Variants in RASSF7 observed in about 807,000 individuals in gnomAD.
RASSF7 encodes the protein Ras association domain family member 7.
A neutral mutation model predicts 33.8 loss-of-function variants in RASSF7; 41 were observed. The ratio of observed to expected loss-of-function variants is 1.21; its 90% CI spans 0.95 to 1.57. The LOEUF (loss-of-function observed/expected upper bound fraction) is 1.57. RASSF7 is among the 40% of genes most tolerant of loss of function. RASSF7 has a pLI of 0.00. For missense variants in RASSF7, 622 were observed against 497.0 expected (o/e 1.25, Z -2.39); for synonymous variants, 298 against 212.8 (o/e 1.40, Z -3.48).
In RASSF7 at chr11:561,402, C is replaced by T; in HGVS notation, c.-83C>T. ...TGAGCAGGTCGGGGTGGGGCGTTCCCATGCCGGCGGCCGCGGGGCCTGGCG... is the reference window on the plus strand; with the variant it reads ...TGAGCAGGTCGGGGTGGGGCGTTCCTATGCCGGCGGCCGCGGGGCCTGGCG... On this transcript the variant is annotated 5_prime_UTR_variant, in exon 1 of 6. Transcript: ENST00000397583. 3 of 1,124,440 alleles carry T rather than the reference C, an allele frequency of 2.7e-6. No homozygotes were observed. Among genetic ancestry groups the T allele is most frequent in the Non-Finnish European group, 3.3e-6 (3 of 914,986 alleles). 69.7% of individuals were successfully genotyped at this position (1,124,440 alleles called of 1,614,324 possible).
chr11:563,167 T>C, intron 3 of RASSF7, 22 bp from the exon 4 acceptor site: 1 of 1,548,158 alleles, frequency 6.5e-7, no homozygotes, highest in South Asian at 1.2e-5. Context: ...CTGTGCCTCC[T>C]AAGGATCTCA....
chr11:561,645 G>T, intron 1 of RASSF7, 117 bp from the exon 2 acceptor site: 1 of 1,488,206 alleles, frequency 6.7e-7, no homozygotes. Context: ...GGTGGGGCCC[G>T]TGCGGAGGGG....
chr11:563,614 G>A lies in RASSF7; in HGVS notation c.1091G>A (p.Cys364Tyr), dbSNP rs898788154. 2 of 1,611,606 alleles carry A rather than the reference G, an allele frequency of 1.2e-6. No individual in the cohort carries two copies. Among genetic ancestry groups the A allele is most frequent in the Middle Eastern group, 1.7e-4 (1 of 5,946 alleles). ...EVAAAPAPEW[C>Y]PLAAQPQAL Reference sequence around the variant, plus strand: ...GCAGCAGCTCCTGCCCCAGAGTGGTGTCCTCTGGCAGCCCAGCCCCAGGCT... The same window carrying A: ...GCAGCAGCTCCTGCCCCAGAGTGGTATCCTCTGGCAGCCCAGCCCCAGGCT... Residue 364 changes from cysteine (C) to tyrosine (Y), a missense_variant, in exon 6 of 6, where the codon TGT becomes TAT. Cys to Tyr is a radical substitution (Grantham distance 194). Transcript: ENST00000397583.
rs778346604 is a variant in RASSF7 at position 561,911 on chromosome 11, A to G, written c.124+19A>G. 6.2e-6 allele frequency: 10 copies of G among 1,612,370 alleles called. No individual in the cohort carries two copies. The highest frequency in any genetic ancestry group is 6.8e-6 in the Non-Finnish European group (8 of 1,179,362). Reference sequence around the variant, plus strand: ...GCAATAGGTGAGTCCTCTCGGGGTCAGGCAGGCCGGGCAGGTAGAGCTGAA... The same window carrying G: ...GCAATAGGTGAGTCCTCTCGGGGTCGGGCAGGCCGGGCAGGTAGAGCTGAA... On this transcript the variant is annotated intron_variant, in intron 2 of 5. Transcript: ENST00000397583.
At chr11:561,596 C>A in intron 1 of RASSF7, 119 bp downstream of exon 1, 1 of 1,407,350 alleles carries the variant, frequency 7.1e-7, no homozygotes, top group Non-Finnish European at 9.4e-7. Flanking sequence ...GGCCGCCACC[C>A]CAGGAATGTG....
At position 561,420 on chromosome 11, in the gene RASSF7, G is replaced by A; in HGVS notation, c.-65G>A. 2 of 1,143,442 alleles carry A rather than the reference G, an allele frequency of 1.7e-6. No individual in the cohort carries two copies. The highest frequency in any genetic ancestry group is 2.4e-5 in the South Asian group (1 of 41,620). The allele number at this position is 1,143,442 out of a possible 1,614,324, so 70.8% of individuals were successfully genotyped here. A position where few individuals can be genotyped will look rare whatever the true frequency, so the allele number is the denominator to read the frequency against. The stretch of plus-strand genomic sequence containing the variant: ...GCGTTCCCATGCCGGCGGCCGCGGG[G>A]CCTGGCGTGCGGGCGCCTCCGCGCC... On this transcript the variant is annotated 5_prime_UTR_variant, in exon 1 of 6. Transcript: ENST00000397583.
Position 561,000 on chromosome 11 carries a change from G to T in RASSF7, c.-485G>T. On this transcript the variant is annotated 5_prime_UTR_variant, in exon 1 of 6. Coordinates refer to ENST00000397583, the MANE Select transcript of RASSF7 (RefSeq NM_003475.4). The stretch of plus-strand genomic sequence containing the variant: ...GCTGGGGGCGGCAGGTTGCGGCGGC[G>T]CCGGAGCGGGTCTCCAGGCTGGCGA... 9.6e-7 allele frequency: 1 copy of T among 1,039,242 alleles called. No homozygotes were observed. The highest frequency in any genetic ancestry group is 1.2e-6 in the Non-Finnish European group (1 of 865,836). 64.4% of individuals were successfully genotyped at this position (1,039,242 alleles called of 1,614,324 possible).
In RASSF7 at chr11:561,895, G is replaced by GAGTC; in HGVS notation, c.124+4_124+7dup. The GAGTC allele has an allele frequency of 1.2e-6, 2 of 1,613,378 alleles. No homozygotes were observed. Among genetic ancestry groups the GAGTC allele is most frequent in the Non-Finnish European group, 1.7e-6 (2 of 1,179,900 alleles). ...CATCGCACTAGCCCAAGCAATAGGT[G>GAGTC]AGTCCTCTCGGGGTCAGGCAGGCCG... On this transcript the variant is annotated splice_donor_region_variant and intron_variant, in intron 2 of 5. Coordinates refer to ENST00000397583, the MANE Select transcript of RASSF7 (RefSeq NM_003475.4).
intron 3 of RASSF7, 30 bp downstream of exon 3, chr11:562,806 T>C: frequency 7.0e-7 from 1 of 1,426,472 alleles, no homozygotes; most frequent in Non-Finnish European, 9.2e-7. Flanking sequence ...CCCCTGTCAC[T>C]CCCCCACCCC....
At chr11:561,962 G>C (rs957304993) in intron 2 of RASSF7, 70 bp downstream of exon 2, 257 of 1,598,780 alleles carry the variant, frequency 1.6e-4, no homozygotes, top group Non-Finnish European at 2.1e-4. Context: ...CCAGCTCCAT[G>C]GTCTCCCCCA....
Position 561,216 on chromosome 11 carries a change from G to T in RASSF7, c.-269G>T. ...TCCCGCCAGGCTGGGGTCGCGGCGCGGGCTTCGGTGCCCGCGGCGGGGACC... is the reference window on the plus strand; with the variant it reads ...TCCCGCCAGGCTGGGGTCGCGGCGCTGGCTTCGGTGCCCGCGGCGGGGACC... On this transcript the variant is annotated 5_prime_UTR_variant, in exon 1 of 6. Transcript: ENST00000397583. 1.0e-6 allele frequency: 1 copy of T among 985,152 alleles called. No homozygotes were observed. The highest frequency in any genetic ancestry group is 4.7e-5 in the South Asian group (1 of 21,360). 61.0% of individuals were successfully genotyped at this position (985,152 alleles called of 1,614,324 possible). A position where few individuals can be genotyped will look rare whatever the true frequency, so the allele number is the denominator to read the frequency against.
At position 561,456 on chromosome 11, in the gene RASSF7, G is replaced by T. The variant is rs1426010128; in HGVS notation, c.-29G>T. The T allele has an allele frequency of 5.3e-5, 63 of 1,198,890 alleles. No homozygotes were observed. The highest frequency in any genetic ancestry group is 5.7e-5 in the Non-Finnish European group (55 of 959,810). 74.3% of individuals were successfully genotyped at this position (1,198,890 alleles called of 1,614,324 possible). A position where few individuals can be genotyped will look rare whatever the true frequency, so the allele number is the denominator to read the frequency against. Reference sequence around the variant, plus strand: ...GGGCGCCTCCGCGCCGCCCGGGGAGGGGGCAGTGTCCTCCGAGCCAGGTGA... The same window carrying T: ...GGGCGCCTCCGCGCCGCCCGGGGAGTGGGCAGTGTCCTCCGAGCCAGGTGA... On this transcript the variant is annotated 5_prime_UTR_variant, in exon 1 of 6. Coordinates refer to ENST00000397583, the MANE Select transcript of RASSF7 (RefSeq NM_003475.4).
chr11:561,727 C>G, intron 1 of RASSF7, 35 bp from the exon 2 acceptor site: 1 of 1,611,804 alleles, frequency 6.2e-7, no homozygotes, highest in South Asian at 1.1e-5. Flanking sequence ...TAGGAGTAGG[C>G]AGGTCCTGAC....
In RASSF7 at chr11:562,090, C is replaced by T. The variant is rs772702134; in HGVS notation, c.136C>T (p.Arg46Cys). Residue 46 changes from arginine (R) to cysteine (C), a missense_variant, in exon 3 of 6, where the codon CGC (arginine) becomes TGC (cysteine). Physicochemically the swap from Arg to Cys is radical, Grantham distance 180. Coordinates refer to ENST00000397583, the MANE Select transcript of RASSF7 (RefSeq NM_003475.4). ...ALAQAIGQTG[R>C]FVLVQRLREK... ...CCTCTTCTTCCCAGGCCAGACTGGC[C>T]GCTTTGTGCTTGTGCAGCGGCTTCG... The T allele has an allele frequency of 9.2e-6, 14 of 1,518,308 alleles. No homozygotes were observed. Among genetic ancestry groups the T allele is most frequent in the Admixed American group, 2.1e-5 (1 of 46,892 alleles). 94.1% of individuals were successfully genotyped at this position (1,518,308 alleles called of 1,614,324 possible).
rs768494202 is a variant in RASSF7 at position 562,745 on chromosome 11, G to A, written c.791G>A (p.Arg264Gln). 36 of 1,521,018 alleles carry A rather than the reference G, an allele frequency of 2.4e-5. No individual in the cohort carries two copies. The highest frequency in any genetic ancestry group is 6.1e-5 in the South Asian group (5 of 81,674). The allele number at this position is 1,521,018 out of a possible 1,614,324, so 94.2% of individuals were successfully genotyped here. A position where few individuals can be genotyped will look rare whatever the true frequency, so the allele number is the denominator to read the frequency against. ...EVQGSLALVSRALEAAERALQ... is the reference protein window; with the variant it reads ...EVQGSLALVSQALEAAERALQ... ...CAGGGCAGCCTGGCTCTGGTGAGCC[G>A]GGCCCTGGAGGCAGCAGAGCGAGCC... Residue 264 changes from arginine to glutamine, a missense_variant, in exon 3 of 6, where the codon CGG (arginine) becomes CAG (glutamine). Coordinates refer to ENST00000397583, the MANE Select transcript of RASSF7 (RefSeq NM_003475.4).
Position 562,506 on chromosome 11 carries a change from C to G in RASSF7, c.552C>G (p.Ala184=), listed in dbSNP as rs1349250905. 1 of 1,549,804 alleles carries G rather than the reference C, an allele frequency of 6.5e-7. No homozygotes were observed. The highest frequency in any genetic ancestry group is 2.0e-5 in the Admixed American group (1 of 51,018). The change falls in exon 3 of 6, where the codon GCC becomes GCG. Residue 184 remains alanine (A), a synonymous_variant. Coordinates refer to ENST00000397583, the MANE Select transcript of RASSF7 (RefSeq NM_003475.4). ...AGCAAGAGCTGCGCCGGGAGCAGGC[C>G]CGGGAGCGAGAGGGACAGGCACGCC... The part of the protein sequence containing the change: ...FWEQELRREQ[A]REREGQARLQ...
At chr11:563,133 C>A in intron 3 of RASSF7, 56 bp from the exon 4 acceptor site, 1 of 1,488,008 alleles carries the variant, frequency 6.7e-7, no homozygotes, top group Non-Finnish European at 9.1e-7. Context: ...CCCTCCGGAG[C>A]ACAAGGGCTG....
At chr11:561,684 C>T in intron 1 of RASSF7, 78 bp from the exon 2 acceptor site, 8 of 1,589,004 alleles carry the variant, frequency 5.0e-6, no homozygotes, top group Non-Finnish European at 6.8e-6. Flanking sequence ...TAGGGCAGGC[C>T]AAGAGGATGA....
At chr11:563,096 T>G in intron 3 of RASSF7, 93 bp from the exon 4 acceptor site, 1 of 1,279,504 alleles carries the variant, frequency 7.8e-7, no homozygotes. Flanking sequence ...GATATGGGGG[T>G]CACAGGGCCC....
Sources: gnomAD v4.1 joint callset for allele counts on GRCh38, gnomAD v4.1.1 for gene constraint, MANE v1.5 for transcripts, NCBI Gene and HGNC (gene_info 2026-07-23, HGNC 2026-07-21) for gene names.